The following SNTG2 variants were observed in gnomAD, a reference collection of about 807,000 sequenced individuals.
SNTG2 encodes the protein gamma-2-syntrophin.
Under a neutral mutation model 70.9 loss-of-function variants are expected in SNTG2, and 74 were observed. The observed-to-expected ratio is 1.04, with a 90% CI of 0.86 to 1.27. The LOEUF (loss-of-function observed/expected upper bound fraction) is 1.27, where lower values mean the gene tolerates loss of function less well. SNTG2 is among the 50% of genes most tolerant of loss of function. The probability of loss-of-function intolerance (pLI) is 0.00; values close to 1 mark genes in which losing one functional copy is unlikely to be tolerated. For missense variants in SNTG2, 717 were observed against 690.7 expected (o/e 1.04, Z -0.43); for synonymous variants, 278 against 273.8 (o/e 1.02, Z -0.15).
intron 16 of SNTG2, among the ~76,000 whole-genome samples, chr2:1,350,400 C>G (rs528905194): frequency 1.3e-5 from 2 of 152,120 alleles, no homozygotes. Context: ...CAGCTTGCCC[C>G]GATACACGTG....
At chr2:1,095,568 G>C (rs544935292) in intron 2 of SNTG2, among the ~76,000 whole-genome samples, 1 of 152,112 alleles carries the variant, frequency 6.6e-6, no homozygotes, top group African/African-American at 2.4e-5. Context: ...TACCACAGGT[G>C]ATCAGTTTCT....
At chr2:1,163,455 G>A (rs537418563) in intron 6 of SNTG2, 1 of 152,108 alleles carries the variant, frequency 6.6e-6, no homozygotes, top group East Asian at 2.0e-4. Context: ...CCTCCCAACA[G>A]GAGGTGGGTG....
At chr2:1,124,259 A>G (rs1667556720) in intron 4 of SNTG2, among the ~76,000 whole-genome samples, 1 of 152,084 alleles carries the variant, frequency 6.6e-6, no homozygotes, top group Non-Finnish European at 1.5e-5. Context: ...ATTGTCAATT[A>G]CAATTTGAAA....
chr2:972,352 C>T (rs991143349), intron 1 of SNTG2, among the ~76,000 whole-genome samples: 5 of 152,146 alleles, frequency 3.3e-5, no homozygotes, highest in African/African-American at 1.2e-4. Context: ...AGTTAAGTCT[C>T]CTTGATGTGA....
At chr2:1,210,994 C>A (rs1195087759) in intron 9 of SNTG2, among the ~76,000 whole-genome samples, 3 of 152,082 alleles carry the variant, frequency 2.0e-5, no homozygotes, top group African/African-American at 7.2e-5. Flanking sequence ...GAATGTATCC[C>A]CATCATTAAG....
At chr2:1,165,863 C>T (rs189093526) in intron 7 of SNTG2, among the ~76,000 whole-genome samples, 3 of 152,280 alleles carry the variant, frequency 2.0e-5, no homozygotes, top group Non-Finnish European at 4.4e-5. Flanking sequence ...CCGTGCTTCT[C>T]GACTGTGCTT....
chr2:1,082,032 T>C (rs10470000), intron 1 of SNTG2, among the ~76,000 whole-genome samples: 116,291 of 152,002 alleles, frequency 0.77, 45,020 homozygotes, highest in Admixed American at 0.87. Context: ...GGAAACCACT[T>C]GGAACCCTCC....
chr2:1,120,311 G>T (rs1181458499), intron 4 of SNTG2, among the ~76,000 whole-genome samples: 1 of 151,934 alleles, frequency 6.6e-6, no homozygotes, highest in Non-Finnish European at 1.5e-5. Flanking sequence ...GAAAATAAGA[G>T]AATTGCATTG....
chr2:1,028,998 T>C (rs1428501193), intron 1 of SNTG2, among the ~76,000 whole-genome samples: 4 of 152,156 alleles, frequency 2.6e-5, no homozygotes, highest in African/African-American at 9.7e-5. Flanking sequence ...TGTGGAGGCA[T>C]GCACCTTCTG....
At chr2:1,030,496 T>A (rs1660755168) in intron 1 of SNTG2, among the ~76,000 whole-genome samples, 1 of 152,170 alleles carries the variant, frequency 6.6e-6, no homozygotes, top group Admixed American at 6.5e-5. Flanking sequence ...CATGTGCAGC[T>A]GTGATTAAAC....
At chr2:1,022,224 C>A (rs1660220782) in intron 1 of SNTG2, among the ~76,000 whole-genome samples, 1 of 152,058 alleles carries the variant, frequency 6.6e-6, no homozygotes, top group Non-Finnish European at 1.5e-5. Flanking sequence ...TTGCAAGTCC[C>A]TGATTTCCTG....
intron 10 of SNTG2, 90 bp from the exon 11 acceptor site, chr2:1,239,648 G>C (rs1012843970): frequency 2.2e-6 from 3 of 1,372,762 alleles, no homozygotes; most frequent in African/African-American, 2.9e-5. Flanking sequence ...TCCCAGGACA[G>C]AGCGTGGCTG....
intron 8 of SNTG2, among the ~76,000 whole-genome samples, chr2:1,204,438 G>T (rs888828060): frequency 6.6e-6 from 1 of 152,174 alleles, no homozygotes; most frequent in Non-Finnish European, 1.5e-5. Flanking sequence ...CCAAGTGTAT[G>T]GTGATGCCTC....
At chr2:1,365,463 T>C (rs1661426490) in intron 16 of SNTG2, among the ~76,000 whole-genome samples, 1 of 152,206 alleles carries the variant, frequency 6.6e-6, no homozygotes, top group Non-Finnish European at 1.5e-5. Context: ...TTGGTTGCAG[T>C]CACTAGGAGG....
At chr2:1,098,139 A>C in intron 2 of SNTG2, 57 bp from the exon 3 acceptor site, 3 of 1,549,102 alleles carry the variant, frequency 1.9e-6, no homozygotes, top group Non-Finnish European at 2.7e-6. Flanking sequence ...TTTTGAATTC[A>C]CTTTCTGATA....
intron 14 of SNTG2, among the ~76,000 whole-genome samples, chr2:1,301,363 C>T (rs1680449169): frequency 6.6e-6 from 1 of 152,120 alleles, no homozygotes; most frequent in Non-Finnish European, 1.5e-5. Context: ...AGGATGTAAC[C>T]AAGGCATAAC....
intron 1 of SNTG2, among the ~76,000 whole-genome samples, chr2:1,042,768 T>G (rs1661512016): frequency 6.6e-6 from 1 of 152,184 alleles, no homozygotes; most frequent in South Asian, 2.1e-4. Flanking sequence ...TCTGCTCCAC[T>G]GTTGATGGGC....
intron 1 of SNTG2, among the ~76,000 whole-genome samples, chr2:987,805 G>C (rs146744695): frequency 1.9e-3 from 287 of 152,252 alleles, no homozygotes; most frequent in African/African-American, 6.4e-3. Context: ...CCTAGACAAG[G>C]ACAGGGTTAC....
chr2:1,119,339 A>T (rs949846563), intron 4 of SNTG2, among the ~76,000 whole-genome samples: 1 of 152,216 alleles, frequency 6.6e-6, no homozygotes, highest in East Asian at 1.9e-4. Context: ...ACTTGAAGGT[A>T]CCAAACTCAC....
Sources: allele counts gnomAD v4.1 joint callset (sites outside exome capture counted in the v4.1 genomes callset), GRCh38; gene constraint gnomAD v4.1.1; transcripts MANE v1.5; gene names NCBI Gene and HGNC (gene_info 2026-07-23, HGNC 2026-07-21).